The following NR6A1 variants were observed in gnomAD, a reference collection of about 807,000 sequenced individuals.
NR6A1 encodes the protein nuclear receptor subfamily 6 group A member 1, also known as retinoic acid receptor-related testis-associated receptor.
NR6A1 carries 7 observed loss-of-function variants against 59.1 expected under a neutral mutation model. The observed-to-expected ratio is 0.12, with a 90% CI of 0.07 to 0.22. The LOEUF (loss-of-function observed/expected upper bound fraction) is 0.22, where lower values mean the gene tolerates loss of function less well. Ranked by LOEUF, NR6A1 falls within the 10% of genes least tolerant of loss-of-function variation. NR6A1 has a pLI of 1.00. For missense variants in NR6A1, 468 were observed against 611.6 expected, an observed-to-expected ratio of 0.77 and a Z score of 2.48; for synonymous variants, 243 against 236.1, an observed-to-expected ratio of 1.03 and a Z score of -0.27.
intron 2 of NR6A1, among the ~76,000 whole-genome samples, chr9:124,706,470 T>G (rs1361045259): frequency 6.6e-6 from 1 of 152,214 alleles, no homozygotes; most frequent in African/African-American, 2.4e-5. Flanking sequence ...GTGGAACTCT[T>G]TGTCTTCATT....
chr9:124,738,269 A>C (rs777704753), intron 1 of NR6A1, among the ~76,000 whole-genome samples: 25 of 152,242 alleles, frequency 1.6e-4, no homozygotes, highest in Non-Finnish European at 3.4e-4. Context: ...AAAACAAAAC[A>C]AAAAGAAAAG....
intron 2 of NR6A1, among the ~76,000 whole-genome samples, chr9:124,661,790 A>G (rs918552981): frequency 1.3e-5 from 2 of 152,210 alleles, no homozygotes; most frequent in Non-Finnish European, 2.9e-5. Context: ...ATTTAAATTA[A>G]TCAAAATTAA....
chr9:124,759,713 T>C (rs1840735363), intron 1 of NR6A1, among the ~76,000 whole-genome samples: 1 of 152,164 alleles, frequency 6.6e-6, no homozygotes, highest in Non-Finnish European at 1.5e-5. Flanking sequence ...TGTCCCTGAT[T>C]TGGCAAAATT....
intron 2 of NR6A1, among the ~76,000 whole-genome samples, chr9:124,619,559 G>C (rs1288864754): frequency 2.0e-5 from 3 of 151,936 alleles, no homozygotes; most frequent in Non-Finnish European, 4.4e-5. Flanking sequence ...CACCATACCT[G>C]GACTATAATT....
chr9:124,676,921 T>C (rs4144630), intron 2 of NR6A1, among the ~76,000 whole-genome samples: 94,645 of 151,958 alleles, frequency 0.62, 30,962 homozygotes, highest in African/African-American at 0.83. Context: ...GCTAAGTGGT[T>C]ACCTTTACTT....
chr9:124,540,184 A>G lies in NR6A1; in HGVS notation c.445T>C (p.Ser149Pro), dbSNP rs1212402077. ...RNKSIGPVQISEEEIERIMSG... is the reference protein window; with the variant it reads ...RNKSIGPVQIPEEEIERIMSG... ...ATGATCCTTTCGATTTCTTCTTCCG[A>G]TATCTTTGACAAGGAATTGAGACAT... is the stretch of plus-strand genomic sequence containing the variant. The change falls in exon 5 of 10, where the codon TCG (serine) becomes CCG (proline). Residue 149 changes from serine (S) to proline (P), a missense_variant. By Grantham distance (74) the Ser-to-Pro change is moderately conservative (BLOSUM62 -1). This residue lies in a region of NR6A1 where 151 missense variants were observed against 142.8 expected (regional missense o/e 1.06). Transcript: ENST00000487099. 3.1e-6 allele frequency: 5 copies of G among 1,612,748 alleles called. No homozygotes were observed. In the African/African-American group the frequency reaches 4.0e-5, roughly 13 times the overall value.
intron 2 of NR6A1, among the ~76,000 whole-genome samples, chr9:124,579,974 C>CT (rs1834715606): frequency 6.6e-6 from 1 of 152,190 alleles, no homozygotes; most frequent in Non-Finnish European, 1.5e-5. Context: ...TGCACCATTG[C>CT]ACTCCAGCCT....
chr9:124,753,993 C>A (rs1840574784), intron 1 of NR6A1, among the ~76,000 whole-genome samples: 1 of 152,150 alleles, frequency 6.6e-6, no homozygotes, highest in Non-Finnish European at 1.5e-5. Flanking sequence ...GAAGGAAGGA[C>A]CATTTTATAA....
chr9:124,678,062 A>G (rs1488299269), intron 2 of NR6A1, among the ~76,000 whole-genome samples: 1 of 152,212 alleles, frequency 6.6e-6, no homozygotes, highest in Non-Finnish European at 1.5e-5. Flanking sequence ...ATGAGTATAG[A>G]TTTCTAAATC....
intron 3 of NR6A1, among the ~76,000 whole-genome samples, chr9:124,548,468 T>G (rs754109201): frequency 3.3e-5 from 5 of 152,144 alleles, no homozygotes; most frequent in Non-Finnish European, 7.3e-5. Flanking sequence ...TGCTGAAAAC[T>G]TGTCTCTACA....
chr9:124,582,047 A>C (rs2131461766), intron 2 of NR6A1, among the ~76,000 whole-genome samples: 1 of 152,340 alleles, frequency 6.6e-6, no homozygotes, highest in South Asian at 2.1e-4. Context: ...CAGAAATACC[A>C]TTCGACCCAG....
intron 2 of NR6A1, among the ~76,000 whole-genome samples, chr9:124,626,731 T>G (rs1219462826): frequency 6.6e-6 from 1 of 152,018 alleles, no homozygotes; most frequent in Non-Finnish European, 1.5e-5. Context: ...GTCAGGAATT[T>G]GAGACCAGCC....
intron 2 of NR6A1, among the ~76,000 whole-genome samples, chr9:124,614,205 G>A (rs1835830463): frequency 6.6e-6 from 1 of 152,108 alleles, no homozygotes; most frequent in South Asian, 2.1e-4. Flanking sequence ...TGCAGAGAGA[G>A]CACAGCTGAG....
rs955927986 is a variant in NR6A1 at position 124,713,521 on chromosome 9, CAGAA to C, written c.142+19783_142+19786del. Among the ~76,000 whole-genome samples, 60 of 152,184 alleles carry C rather than the reference CAGAA, an allele frequency of 3.9e-4. 1 individual carries two copies. Among genetic ancestry groups the C allele is most frequent in the African/African-American group, 1.4e-3 (59 of 41,532 alleles). On this transcript the variant is annotated intron_variant, in intron 2 of 9. Coordinates refer to ENST00000487099, the MANE Select transcript of NR6A1 (RefSeq NM_033334.4). The stretch of plus-strand genomic sequence containing the variant: ...TGTTAAGAGATTAATATACAGAACA[CAGAA>C]AGAACTCGTATAACTGAAACAAAAA...
chr9:124,748,866 A>T (rs1426432732), intron 1 of NR6A1, among the ~76,000 whole-genome samples: 1 of 146,436 alleles, frequency 6.8e-6, no homozygotes, highest in Non-Finnish European at 1.5e-5. Context: ...CTCTGTCTCA[A>T]AAAAAAAAAA....
chr9:124,670,307 G>T (rs948113622), intron 2 of NR6A1, among the ~76,000 whole-genome samples: 5 of 152,152 alleles, frequency 3.3e-5, no homozygotes, highest in Non-Finnish European at 7.4e-5. Context: ...CAGGAGGATG[G>T]CTCAAGCCCA....
At chr9:124,692,654 G>T in intron 2 of NR6A1, 1 of 268,530 alleles carries the variant, frequency 3.7e-6, no homozygotes, top group South Asian at 3.4e-5. Flanking sequence ...GTGGTCCAGT[G>T]AATTTTATTC....
Position 124,771,188 on chromosome 9 carries a change from G to T in NR6A1, c.-69C>A. The T allele has an allele frequency of 1.1e-6, 1 of 920,484 alleles. No homozygotes were observed. The highest frequency in any genetic ancestry group is 1.4e-6 in the Non-Finnish European group (1 of 703,292). 57.0% of individuals were successfully genotyped at this position (920,484 alleles called of 1,614,324 possible). A position where few individuals can be genotyped will look rare whatever the true frequency, so the allele number is the denominator to read the frequency against. ...GACCGGCGCCCTAGTCGCCGTGGTC[G>T]TCGTCCGCCGAGGGGAGGAGGTTGT... On this transcript the variant is annotated 5_prime_UTR_variant, in exon 1 of 10. Coordinates refer to ENST00000487099, the MANE Select transcript of NR6A1 (RefSeq NM_033334.4).
At chr9:124,642,306 T>TC (rs1042785267) in intron 2 of NR6A1, among the ~76,000 whole-genome samples, 22 of 152,210 alleles carry the variant, frequency 1.4e-4, no homozygotes, top group African/African-American at 5.3e-4. Context: ...CACCTTGGCC[T>TC]CCCAAAGTGC....
Sources: gnomAD v4.1 joint callset for allele counts (sites outside exome capture counted in the v4.1 genomes callset) on GRCh38, gnomAD v4.1.1 for gene constraint, gnomAD v4.1.1 regional missense constraint, MANE v1.5 for transcripts, NCBI Gene and HGNC (gene_info 2026-07-23, HGNC 2026-07-21) for gene names.